The following ITGB1BP1 variants were observed in gnomAD, a reference collection of about 807,000 sequenced individuals.
ITGB1BP1 encodes integrin beta-1-binding protein 1.
In ITGB1BP1, 20 loss-of-function variants were observed where a neutral mutation model predicts 28.0. The ratio of observed to expected loss-of-function variants is 0.71; its 90% CI spans 0.50 to 1.04. The LOEUF is 1.04. Among genes scored for constraint, ITGB1BP1 ranks in the 50% least tolerant of loss-of-function variants. ITGB1BP1 has a pLI of 0.00. For missense variants in ITGB1BP1, 228 were observed against 242.5 expected, an observed-to-expected ratio of 0.94 and a Z score of 0.40; for synonymous variants, 103 against 89.5, an observed-to-expected ratio of 1.15 and a Z score of -0.85.
intron 1 of ITGB1BP1, among the ~76,000 whole-genome samples, chr2:9,420,456 C>T (rs1043878993): frequency 6.6e-5 from 10 of 152,166 alleles, no homozygotes; most frequent in African/African-American, 2.4e-4. Context: ...ACAAGAAAAA[C>T]ACACATGAAA....
At chr2:9,407,897 T>TA (rs1553336189) in intron 5 of ITGB1BP1, 15 of 504,216 alleles carry the variant, frequency 3.0e-5, no homozygotes, top group Non-Finnish European at 4.3e-5. Context: ...TGTTTGGGGG[T>TA]GGGGGGGGCA....
chr2:9,412,443 A>G, intron 3 of ITGB1BP1, 38 bp from the exon 4 acceptor site: 1 of 1,556,506 alleles, frequency 6.4e-7, no homozygotes, highest in Non-Finnish European at 8.7e-7. Context: ...TTAAGAAGAA[A>G]TATCTGCATT....
Position 9,415,208 on chromosome 2 carries a change from G to A in ITGB1BP1, c.73-952C>T, listed in dbSNP as rs182381095. 3.1e-3 allele frequency among the ~76,000 whole-genome samples: 476 copies of A among 152,188 alleles called. 3 individuals are homozygous for A. The highest frequency in any genetic ancestry group is 0.011 in the African/African-American group (447 of 41,516). On this transcript the variant is annotated intron_variant, in intron 2 of 6. Transcript: ENST00000355346. The surrounding 1 kb of genome is among the most constrained non-coding windows in gnomAD (Gnocchi z 4.1). ...AGCCTGGCCAACATGGTAAAACCCCGTCTCTACCAAAAATACAAAAATTAG... is the reference window on the plus strand; with the variant it reads ...AGCCTGGCCAACATGGTAAAACCCCATCTCTACCAAAAATACAAAAATTAG...
In ITGB1BP1 at chr2:9,406,857, CAG is replaced by C. The variant is rs1453041632; in HGVS notation, c.578_579del (p.Ser193CysfsTer5). ...ATTCAGGGTTTCTCAGATGTTAATA[CAG>C]AGTCAAAAGCGGTGGATAAAACCTT... ...ICKVLSTAFD[S>X]VLTSEKP On this transcript the variant is annotated frameshift_variant, in exon 7 of 7. Transcript: ENST00000355346. LOFTEE classifies it high-confidence loss of function. The C allele has an allele frequency of 1.2e-6, 2 of 1,613,146 alleles. No homozygotes were observed. The highest frequency in any genetic ancestry group is 1.1e-5 in the South Asian group (1 of 91,060).
intron 1 of ITGB1BP1, among the ~76,000 whole-genome samples, chr2:9,421,578 T>G (rs932592394): frequency 6.6e-6 from 1 of 151,340 alleles, no homozygotes; most frequent in Non-Finnish European, 1.5e-5. Context: ...TCCCAGCTAC[T>G]CAGGAGCCTG....
At position 9,415,179 on chromosome 2, in the gene ITGB1BP1, G is replaced by A. The variant is rs890333249; in HGVS notation, c.73-923C>T. Among the ~76,000 whole-genome samples the A allele has an allele frequency of 6.6e-6, 1 of 151,408 alleles. No homozygotes were observed. Among genetic ancestry groups the A allele is most frequent in the African/African-American group, 2.4e-5 (1 of 41,188 alleles). On this transcript the variant is annotated intron_variant, in intron 2 of 6. Coordinates refer to ENST00000355346, the MANE Select transcript of ITGB1BP1 (RefSeq NM_004763.5). This position sits in a 1 kb window ranked among gnomAD's most constrained non-coding sequence, Gnocchi z 4.1. ...GGATCACCTGAGGTCAGGAGTTCGAGACCAGCCTGGCCAACATGGTAAAAC... is the reference window on the plus strand; with the variant it reads ...GGATCACCTGAGGTCAGGAGTTCGAAACCAGCCTGGCCAACATGGTAAAAC...
intron 3 of ITGB1BP1, 68 bp downstream of exon 3, chr2:9,414,110 A>C: frequency 7.9e-7 from 1 of 1,264,456 alleles, no homozygotes; most frequent in Non-Finnish European, 1.2e-6. Flanking sequence ...TCATTGTGCT[A>C]CCCCAGTAAA....
intron 5 of ITGB1BP1, 64 bp from the exon 6 acceptor site, chr2:9,407,662 A>T: frequency 6.4e-7 from 1 of 1,574,244 alleles, no homozygotes; most frequent in Non-Finnish European, 8.7e-7. Context: ...TCCTGATGAC[A>T]CACCCTCCCA....
At chr2:9,411,896 G>A (rs1678450256) in intron 4 of ITGB1BP1, among the ~76,000 whole-genome samples, 2 of 151,320 alleles carry the variant, frequency 1.3e-5, no homozygotes, top group South Asian at 2.1e-4. Context: ...TACAAAATTA[G>A]CCGGGCATGG....
chr2:9,412,095 T>C (rs984375212), intron 4 of ITGB1BP1, 174 bp downstream of exon 4: 3 of 579,026 alleles, frequency 5.2e-6, no homozygotes, highest in Non-Finnish European at 9.0e-6. Flanking sequence ...ACAGCGCCTG[T>C]GTTCCCATGC....
intron 2 of ITGB1BP1, 25 bp downstream of exon 2, chr2:9,418,601 T>C (rs755963107): frequency 6.8e-6 from 10 of 1,474,744 alleles, no homozygotes; most frequent in South Asian, 3.4e-5. Flanking sequence ...GCTTTATGAT[T>C]CTGTTCCAAA....
intron 1 of ITGB1BP1, 23 bp from the exon 2 acceptor site, chr2:9,418,755 C>T: frequency 7.1e-7 from 1 of 1,411,992 alleles, no homozygotes; most frequent in Non-Finnish European, 9.9e-7. Flanking sequence ...ATATTGGTAA[C>T]AGTTACATCG....
At chr2:9,420,845 T>G (rs1223482814) in intron 1 of ITGB1BP1, among the ~76,000 whole-genome samples, 1 of 152,270 alleles carries the variant, frequency 6.6e-6, no homozygotes, top group Non-Finnish European at 1.5e-5. Flanking sequence ...AGGTGTCTTC[T>G]GTTTTTTAAA....
chr2:9,418,753 A>T (rs111862731), intron 1 of ITGB1BP1, 21 bp from the exon 2 acceptor site: 148 of 1,542,680 alleles, frequency 9.6e-5, no homozygotes, highest in Admixed American at 2.0e-4. Flanking sequence ...AAATATTGGT[A>T]ACAGTTACAT....
rs1252299996 is a variant in ITGB1BP1, at chr2:9,403,789, G to GT, written c.*3044dup. The GT allele has an allele frequency of 6.4e-6, 1 of 157,428 alleles. No homozygotes were observed. Among genetic ancestry groups the GT allele is most frequent in the Non-Finnish European group, 1.4e-5 (1 of 71,622 alleles). 9.8% of individuals were successfully genotyped at this position (157,428 alleles called of 1,614,324 possible). A position where few individuals can be genotyped will look rare whatever the true frequency, so the allele number is the denominator to read the frequency against. Reference sequence around the variant, plus strand: ...GAACTTTCTCGATAAAATGCCATCAGTTCACCTTTAAAGACACACATTCCT... The same window carrying GT: ...GAACTTTCTCGATAAAATGCCATCAGTTTCACCTTTAAAGACACACATTCCT... On this transcript the variant is annotated 3_prime_UTR_variant, in exon 7 of 7. Coordinates refer to ENST00000355346, the MANE Select transcript of ITGB1BP1 (RefSeq NM_004763.5).
At chr2:9,410,344 G>A (rs1010387099) in intron 4 of ITGB1BP1, among the ~76,000 whole-genome samples, 2 of 151,892 alleles carry the variant, frequency 1.3e-5, no homozygotes, top group Non-Finnish European at 2.9e-5. Context: ...GAATCCCCCT[G>A]CCTTGGCCTT....
rs554108378 is a variant in ITGB1BP1 at position 9,417,328 on chromosome 2, C to T, written c.72+1298G>A. Among the ~76,000 whole-genome samples the T allele has an allele frequency of 6.7e-3, 1,021 of 152,126 alleles. 7 individuals are homozygous for T. The highest frequency in any genetic ancestry group is 8.0e-3 in the Non-Finnish European group (545 of 67,988). On this transcript the variant is annotated intron_variant, in intron 2 of 6. Transcript: ENST00000355346. ...GCGATCCTTCCAGATCTTATCATGGCCCCACTTCTCCTGTAGGCCCCTGCT... is the reference window on the plus strand; with the variant it reads ...GCGATCCTTCCAGATCTTATCATGGTCCCACTTCTCCTGTAGGCCCCTGCT...
intron 3 of ITGB1BP1, among the ~76,000 whole-genome samples, chr2:9,413,340 T>G (rs1227511947): frequency 6.6e-6 from 1 of 152,116 alleles, no homozygotes; most frequent in Non-Finnish European, 1.5e-5. Flanking sequence ...TTTTTTTTCT[T>G]TTTTTTGAGA....
chr2:9,412,502 A>G (rs1330675915), intron 3 of ITGB1BP1, 97 bp from the exon 4 acceptor site: 1 of 985,236 alleles, frequency 1.0e-6, no homozygotes, highest in African/African-American at 1.6e-5. Context: ...CTGTCATTAG[A>G]ACATAACCAC....
Sources: allele counts gnomAD v4.1 joint callset (sites outside exome capture counted in the v4.1 genomes callset), GRCh38; gene constraint gnomAD v4.1.1; non-coding constraint Gnocchi (gnomAD v3.1); transcripts MANE v1.5; gene names NCBI Gene and HGNC (gene_info 2026-07-23, HGNC 2026-07-21).